MIR2052HG: variants seen among roughly 807,000 people sequenced by gnomAD.
MIR2052HG encodes the protein MIR2052 host gene.
intron 4 of MIR2052HG, among the ~76,000 whole-genome samples, chr8:74,707,285 G>T (rs2128741398): frequency 6.6e-6 from 1 of 152,116 alleles, no homozygotes; most frequent in East Asian, 1.9e-4. Context: ...GGCCACATCT[G>T]CCCAGGAGAG....
At chr8:74,740,021 A>G (rs1430586925) in intron 4 of MIR2052HG, among the ~76,000 whole-genome samples, 1 of 152,230 alleles carries the variant, frequency 6.6e-6, no homozygotes, top group Admixed American at 6.5e-5. Context: ...ATAATTTAAC[A>G]AATGCACATA....
intron 2 of MIR2052HG, among the ~76,000 whole-genome samples, chr8:74,650,418 CA>C (rs1808739730): frequency 1.3e-5 from 2 of 152,154 alleles, no homozygotes; most frequent in South Asian, 4.1e-4. Flanking sequence ...AGATATACCA[CA>C]ATCATTTTAT....
chr8:74,608,109 G>C (rs1808138587), intron 1 of MIR2052HG, among the ~76,000 whole-genome samples: 1 of 152,174 alleles, frequency 6.6e-6, no homozygotes, highest in Admixed American at 6.5e-5. Flanking sequence ...CAGTTTCCTG[G>C]TAGGTTAAAA....
chr8:74,679,051 A>G (rs755341241), intron 2 of MIR2052HG, among the ~76,000 whole-genome samples: 16 of 152,224 alleles, frequency 1.1e-4, no homozygotes, highest in Non-Finnish European at 2.2e-4. Flanking sequence ...GAATATCTTT[A>G]TCAAAACCTA....
intron 2 of MIR2052HG, among the ~76,000 whole-genome samples, chr8:74,616,537 T>C (rs1175816116): frequency 6.6e-6 from 1 of 151,838 alleles, no homozygotes; most frequent in Admixed American, 6.6e-5. Context: ...GTCCCTATAC[T>C]CTGAGGACGT....
At chr8:74,679,448 T>C (rs905338650) in intron 2 of MIR2052HG, among the ~76,000 whole-genome samples, 1 of 152,024 alleles carries the variant, frequency 6.6e-6, no homozygotes, top group African/African-American at 2.4e-5. Flanking sequence ...GGCTAAGTAG[T>C]AGTCCATGGT....
intron 2 of MIR2052HG, among the ~76,000 whole-genome samples, chr8:74,621,218 T>C (rs1259047815): frequency 6.6e-6 from 1 of 152,182 alleles, no homozygotes; most frequent in Admixed American, 6.5e-5. Flanking sequence ...ATCTGAGCCC[T>C]CCAAGTCTCT....
intron 2 of MIR2052HG, among the ~76,000 whole-genome samples, chr8:74,657,826 T>G (rs1193544100): frequency 6.6e-6 from 1 of 152,112 alleles, no homozygotes; most frequent in Non-Finnish European, 1.5e-5. Context: ...ATGTAGGAAT[T>G]GTGGGAGTTA....
chr8:74,640,683 C>T (rs1808629746), intron 2 of MIR2052HG, among the ~76,000 whole-genome samples: 1 of 152,110 alleles, frequency 6.6e-6, no homozygotes, highest in Non-Finnish European at 1.5e-5. Flanking sequence ...GGTTTCCTTC[C>T]TTTGTACCCC....
At chr8:74,692,611 T>C (rs1486122022) in intron 2 of MIR2052HG, among the ~76,000 whole-genome samples, 3 of 152,234 alleles carry the variant, frequency 2.0e-5, no homozygotes, top group Non-Finnish European at 2.9e-5. Flanking sequence ...TCCCAGGCCA[T>C]TTCTTAAAAC....
intron 2 of MIR2052HG, among the ~76,000 whole-genome samples, chr8:74,674,364 C>T (rs1809028348): frequency 6.6e-6 from 1 of 151,782 alleles, no homozygotes; most frequent in Non-Finnish European, 1.5e-5. Flanking sequence ...CCTCACACAG[C>T]CCCTCCCCAA....
chr8:74,701,857 G>A (rs763425666), intron 2 of MIR2052HG, among the ~76,000 whole-genome samples: 5 of 152,152 alleles, frequency 3.3e-5, no homozygotes, highest in Non-Finnish European at 5.9e-5. Flanking sequence ...ATTGCAGGCA[G>A]TGAAAAATCC....
chr8:74,607,871 A>G (rs1808135024), intron 1 of MIR2052HG, among the ~76,000 whole-genome samples: 1 of 152,166 alleles, frequency 6.6e-6, no homozygotes, highest in East Asian at 1.9e-4. Context: ...TTGGATCAGA[A>G]AGTGGTTGCT....
At chr8:74,717,996 G>A (rs1403065133) in intron 4 of MIR2052HG, among the ~76,000 whole-genome samples, 1 of 151,848 alleles carries the variant, frequency 6.6e-6, no homozygotes, top group Non-Finnish European at 1.5e-5. Flanking sequence ...TCTTAGTATG[G>A]TTTTATATTA....
At chr8:74,721,540 G>A (rs1484544031) in intron 4 of MIR2052HG, among the ~76,000 whole-genome samples, 1 of 152,140 alleles carries the variant, frequency 6.6e-6, no homozygotes, top group East Asian at 1.9e-4. Context: ...CTTTTAGCTT[G>A]GTTCTCATCC....
At chr8:74,756,586 T>C (rs1046982478) in intron 5 of MIR2052HG, 17 of 152,190 alleles carry the variant, frequency 1.1e-4, no homozygotes, top group Admixed American at 9.2e-4. Context: ...AGATCAGAAA[T>C]GTAACATTTA....
chr8:74,719,660 T>A (rs1167707128), intron 4 of MIR2052HG, among the ~76,000 whole-genome samples: 2 of 151,922 alleles, frequency 1.3e-5, no homozygotes, highest in Non-Finnish European at 2.9e-5. Context: ...TACTTGGAGG[T>A]CATCATGGAA....
In MIR2052HG at chr8:74,681,572, GT is replaced by G. The variant is rs1197196559; in HGVS notation, n.217-20802del. Among the ~76,000 whole-genome samples, 10 of 152,228 alleles carry G rather than the reference GT, an allele frequency of 6.6e-5. No homozygotes were observed. In the East Asian group the frequency reaches 1.7e-3, roughly 27 times the overall value. ...CAATGTAATGGTATTGGGAGGTGGG[GT>G]TTTTGAGAGGTGATTAAGGCTCTGC... On this transcript the variant is annotated intron_variant and non_coding_transcript_variant, in intron 2 of 6. Coordinates refer to ENST00000523442, the Ensembl canonical transcript of MIR2052HG.
intron 2 of MIR2052HG, among the ~76,000 whole-genome samples, chr8:74,696,379 C>A (rs964581748): frequency 1.3e-5 from 2 of 151,916 alleles, no homozygotes; most frequent in Admixed American, 6.6e-5. Flanking sequence ...TCTGAAACAG[C>A]ACAAATAAAC....
Sources: allele counts gnomAD v4.1 joint callset (sites outside exome capture counted in the v4.1 genomes callset), GRCh38; gene constraint gnomAD v4.1.1; transcripts MANE v1.5; gene names NCBI Gene and HGNC (gene_info 2026-07-23, HGNC 2026-07-21).